Variants in NDRG3 observed in about 807,000 individuals in gnomAD.
NDRG3 encodes protein NDRG3.
A neutral mutation model predicts 57.2 loss-of-function variants in NDRG3; 23 were observed. The observed-to-expected ratio is 0.40, with a 90% CI of 0.29 to 0.57. NDRG3 has a LOEUF of 0.57. Among genes scored for constraint, NDRG3 ranks in the 20% least tolerant of loss-of-function variants. The pLI is 0.42. For missense variants in NDRG3, 384 were observed against 457.3 expected, an observed-to-expected ratio of 0.84 and a Z score of 1.46; for synonymous variants, 132 against 162.6, an observed-to-expected ratio of 0.81 and a Z score of 1.43.
At position 36,706,440 on chromosome 20, in the gene NDRG3, A is replaced by G. The variant is rs376139590; in HGVS notation, c.93+532T>C. 2.0e-5 allele frequency among the ~76,000 whole-genome samples: 3 copies of G among 152,296 alleles called. No homozygotes were observed. In the South Asian group the frequency reaches 6.2e-4, roughly 32 times the overall value. On this transcript the variant is annotated intron_variant, in intron 3 of 15. Coordinates refer to ENST00000349004, the MANE Select transcript of NDRG3 (RefSeq NM_032013.4). Reference sequence around the variant, plus strand: ...CACAAAGAAACAGCTCTATTCAGTAACCTACAATCATAAAACAGGTACCTG... The same window carrying G: ...CACAAAGAAACAGCTCTATTCAGTAGCCTACAATCATAAAACAGGTACCTG...
chr20:36,684,569 G>A, intron 5 of NDRG3, 94 bp from the exon 6 acceptor site: 1 of 1,094,798 alleles, frequency 9.1e-7, no homozygotes, highest in Admixed American at 1.8e-5. Flanking sequence ...TAGATAAAAG[G>A]CTGAGCGCAG....
chr20:36,665,328 C>T, intron 10 of NDRG3, 27 bp from the exon 11 acceptor site: 1 of 1,610,638 alleles, frequency 6.2e-7, no homozygotes. Flanking sequence ...GAAGCAATGC[C>T]CTTTTTGGGT....
chr20:36,672,323 A>AT (rs1284682591), intron 8 of NDRG3, among the ~76,000 whole-genome samples: 1 of 152,194 alleles, frequency 6.6e-6, no homozygotes. Context: ...TATGTTGCTG[A>AT]TTCCTGTTCG....
intron 1 of NDRG3, among the ~76,000 whole-genome samples, chr20:36,725,771 C>T (rs1453350849): frequency 1.3e-5 from 2 of 152,032 alleles, no homozygotes; most frequent in Non-Finnish European, 2.9e-5. Context: ...TCAACTCACC[C>T]ACTTTATCCC....
intron 1 of NDRG3, among the ~76,000 whole-genome samples, chr20:36,729,940 AT>A (rs1223645017): frequency 6.6e-6 from 1 of 151,858 alleles, no homozygotes; most frequent in East Asian, 2.0e-4. Flanking sequence ...TGGAACTTTT[AT>A]TTTTTATTTT....
intron 2 of NDRG3, among the ~76,000 whole-genome samples, chr20:36,709,878 G>A (rs946701943): frequency 2.0e-5 from 3 of 151,836 alleles, no homozygotes; most frequent in East Asian, 1.9e-4. Context: ...ATTAAATGTT[G>A]AGGAAATTCT....
At chr20:36,654,130 C>T (rs1439961691) in intron 15 of NDRG3, among the ~76,000 whole-genome samples, 3 of 152,300 alleles carry the variant, frequency 2.0e-5, no homozygotes, top group South Asian at 4.2e-4. Flanking sequence ...CCCGATACAA[C>T]GAGACTACCA....
At chr20:36,707,432 C>T (rs1316118576) in intron 2 of NDRG3, among the ~76,000 whole-genome samples, 3 of 151,738 alleles carry the variant, frequency 2.0e-5, no homozygotes, top group Admixed American at 6.6e-5. Flanking sequence ...AGGTGCAGAA[C>T]CAGGAATTAA....
chr20:36,667,221 C>T (rs769337988), intron 9 of NDRG3, among the ~76,000 whole-genome samples: 2 of 152,014 alleles, frequency 1.3e-5, no homozygotes, highest in African/African-American at 4.8e-5. Context: ...TATTCCATTG[C>T]GTTTATGACA....
At chr20:36,701,052 G>A (rs1436633249) in intron 3 of NDRG3, among the ~76,000 whole-genome samples, 5 of 152,090 alleles carry the variant, frequency 3.3e-5, no homozygotes. Flanking sequence ...GGGAATATAG[G>A]CATGAGCCAC....
At chr20:36,739,550 G>A (rs1985812312) in intron 1 of NDRG3, among the ~76,000 whole-genome samples, 1 of 151,684 alleles carries the variant, frequency 6.6e-6, no homozygotes, top group African/African-American at 2.4e-5. Context: ...GCTCACACCT[G>A]TAATCCCAGC....
At chr20:36,716,544 A>AG (rs931313909) in intron 2 of NDRG3, among the ~76,000 whole-genome samples, 2 of 151,874 alleles carry the variant, frequency 1.3e-5, no homozygotes, top group Non-Finnish European at 2.9e-5. Flanking sequence ...AAAAAAAAAA[A>AG]AAAAAGATTT....
intron 2 of NDRG3, among the ~76,000 whole-genome samples, chr20:36,711,007 G>A (rs1983840006): frequency 6.7e-6 from 1 of 150,244 alleles, no homozygotes. Context: ...AGGGCCAGGC[G>A]TGGTGGCTCA....
intron 9 of NDRG3, chr20:36,668,596 G>A (rs1979838020): frequency 6.6e-6 from 1 of 152,070 alleles, no homozygotes; most frequent in Non-Finnish European, 1.5e-5. Context: ...AAAGGGGAAA[G>A]AGTGGAACAG....
intron 3 of NDRG3, among the ~76,000 whole-genome samples, chr20:36,690,061 CT>C (rs1321708500): frequency 6.6e-6 from 1 of 152,090 alleles, no homozygotes; most frequent in Non-Finnish European, 1.5e-5. Flanking sequence ...CTTGGCTCTC[CT>C]CTTGAAAAGA....
At chr20:36,745,011 C>T (rs1282151123) in intron 1 of NDRG3, among the ~76,000 whole-genome samples, 1 of 146,602 alleles carries the variant, frequency 6.8e-6, no homozygotes, top group Non-Finnish European at 1.5e-5. Flanking sequence ...TGCCAGCAGG[C>T]AAGGATCACT....
At chr20:36,672,555 G>A (rs536975151) in intron 8 of NDRG3, among the ~76,000 whole-genome samples, 6 of 152,342 alleles carry the variant, frequency 3.9e-5, no homozygotes, top group South Asian at 4.1e-4. Context: ...TAGGCTGGGC[G>A]TGGTGGCTCA....
At chr20:36,701,749 T>C (rs990111658) in intron 3 of NDRG3, among the ~76,000 whole-genome samples, 1 of 151,520 alleles carries the variant, frequency 6.6e-6, no homozygotes, top group Admixed American at 6.6e-5. Flanking sequence ...GGTTACTCCA[T>C]GTTGGCCAGG....
At chr20:36,722,392 G>A (rs1015775437) in intron 1 of NDRG3, among the ~76,000 whole-genome samples, 1 of 152,168 alleles carries the variant, frequency 6.6e-6, no homozygotes, top group African/African-American at 2.4e-5. Flanking sequence ...CAGAAACTGA[G>A]AGACAATGAA....
Sources: allele counts gnomAD v4.1 joint callset (sites outside exome capture counted in the v4.1 genomes callset), GRCh38; gene constraint gnomAD v4.1.1; transcripts MANE v1.5; gene names NCBI Gene and HGNC (gene_info 2026-07-23, HGNC 2026-07-21).